The following FGF1 variants were observed in gnomAD, a reference collection of about 807,000 sequenced individuals.
FGF1 encodes fibroblast growth factor 1.
In FGF1, 9 loss-of-function variants were observed where a neutral mutation model predicts 13.4. The observed-to-expected ratio is 0.67, with a 90% CI of 0.40 to 1.17. The LOEUF (loss-of-function observed/expected upper bound fraction) is 1.17. Among genes scored for constraint, FGF1 ranks in the 50% most tolerant of loss-of-function variants. The probability of loss-of-function intolerance (pLI) is 0.01; values close to 1 mark genes in which losing one functional copy is unlikely to be tolerated. For synonymous variants in FGF1, 93 were observed against 79.0 expected (o/e 1.18, Z -0.94); for missense variants, 156 against 192.7 (o/e 0.81, Z 1.13).
chr5:142,635,791 G>A (rs1179595491), intron 1 of FGF1, among the ~76,000 whole-genome samples: 1 of 152,238 alleles, frequency 6.6e-6, no homozygotes, highest in Non-Finnish European at 1.5e-5. Context: ...TCTGATGTGA[G>A]ACTCCCTAGT....
chr5:142,680,966 A>C (rs1239481025), intron 1 of FGF1: 1 of 152,180 alleles, frequency 6.6e-6, no homozygotes, highest in African/African-American at 2.4e-5. Flanking sequence ...CTGATTTTTA[A>C]ACAAGTTCCC....
intron 1 of FGF1, among the ~76,000 whole-genome samples, chr5:142,665,400 G>C (rs1260020529): frequency 6.6e-6 from 1 of 151,776 alleles, no homozygotes; most frequent in African/African-American, 2.4e-5. Flanking sequence ...TTACTTTAGA[G>C]CTGTTTACCT....
chr5:142,611,182 C>T (rs945588204), intron 2 of FGF1, among the ~76,000 whole-genome samples: 7 of 152,136 alleles, frequency 4.6e-5, no homozygotes, highest in African/African-American at 7.2e-5. Context: ...CATGCCTGGC[C>T]GAGGCAATTC....
At chr5:142,618,929 G>GTTTTTTTTTTTTTTTTT (rs869093279) in intron 1 of FGF1, among the ~76,000 whole-genome samples, 1 of 61,252 alleles carries the variant, frequency 1.6e-5, no homozygotes. Context: ...TAGTTGTTTT[G>GTTTTTTTTTTTTTTTTT]TTTTTTTTTT....
chr5:142,668,794 G>A (rs942499931), intron 1 of FGF1, among the ~76,000 whole-genome samples: 1 of 152,192 alleles, frequency 6.6e-6, no homozygotes, highest in Non-Finnish European at 1.5e-5. Context: ...GGATGAATGA[G>A]ATAAGCTTCC....
intron 1 of FGF1, among the ~76,000 whole-genome samples, chr5:142,664,218 G>T (rs551178186): frequency 3.2e-4 from 48 of 152,310 alleles, no homozygotes; most frequent in African/African-American, 1.1e-3. Context: ...TTGCCAAGCT[G>T]GCTGCCCACC....
intron 1 of FGF1, among the ~76,000 whole-genome samples, chr5:142,652,390 G>C (rs146213851): frequency 6.6e-6 from 1 of 152,304 alleles, no homozygotes; most frequent in African/African-American, 2.4e-5. Flanking sequence ...TATGGGGCAG[G>C]TGAGTTTTAG....
chr5:142,613,938 G>A (rs113725652), intron 2 of FGF1, 21 bp downstream of exon 2: 2 of 1,610,156 alleles, frequency 1.2e-6, no homozygotes, highest in African/African-American at 1.3e-5. Flanking sequence ...GGGAAGGGGG[G>A]TGCCATAGAG....
chr5:142,625,644 T>C (rs1208762953), intron 1 of FGF1, among the ~76,000 whole-genome samples: 4 of 152,194 alleles, frequency 2.6e-5, no homozygotes, highest in African/African-American at 9.7e-5. Context: ...ACATCTTAAA[T>C]GGAAATATCC....
intron 1 of FGF1, among the ~76,000 whole-genome samples, chr5:142,650,656 ATG>A (rs200639790): frequency 1.0e-3 from 156 of 151,352 alleles, no homozygotes; most frequent in East Asian, 6.8e-3. Flanking sequence ...TACACTTTAT[ATG>A]TGTGTGTGTG....
At chr5:142,661,460 T>G (rs928177788) in intron 1 of FGF1, among the ~76,000 whole-genome samples, 2 of 152,150 alleles carry the variant, frequency 1.3e-5, no homozygotes, top group Non-Finnish European at 2.9e-5. Flanking sequence ...CGTTACCATA[T>G]GACCCAACAA....
chr5:142,646,703 T>C (rs1307968931), intron 1 of FGF1, among the ~76,000 whole-genome samples: 1 of 151,592 alleles, frequency 6.6e-6, no homozygotes, highest in African/African-American at 2.4e-5. Flanking sequence ...CATCTTGGCC[T>C]GGCTGGTCTT....
At chr5:142,646,292 C>T (rs776552658) in intron 1 of FGF1, among the ~76,000 whole-genome samples, 31 of 144,776 alleles carry the variant, frequency 2.1e-4, no homozygotes, top group Non-Finnish European at 4.3e-4. Context: ...TTTCAGCTCA[C>T]TGCAACCTCT....
intron 2 of FGF1, among the ~76,000 whole-genome samples, chr5:142,607,289 AC>A (rs896256369): frequency 1.4e-4 from 21 of 151,628 alleles, no homozygotes; most frequent in Non-Finnish European, 2.4e-4. Flanking sequence ...CTTTTTCAAT[AC>A]CCCCCGACCA....
chr5:142,601,498 G>T (rs964916169), intron 2 of FGF1, among the ~76,000 whole-genome samples: 1 of 152,122 alleles, frequency 6.6e-6, no homozygotes, highest in East Asian at 1.9e-4. Flanking sequence ...CTGATGGGGG[G>T]AGAATGAAGC....
chr5:142,678,926 A>G (rs1326635663), intron 1 of FGF1, among the ~76,000 whole-genome samples: 4 of 152,152 alleles, frequency 2.6e-5, no homozygotes, highest in African/African-American at 9.7e-5. Context: ...TGGCTAAAAC[A>G]CTTTGAGGAG....
At position 142,600,266 on chromosome 5, in the gene FGF1, G is replaced by A. The variant is rs17217380; in HGVS notation, c.273+436C>T. On this transcript the variant is annotated intron_variant, in intron 3 of 3. Transcript: ENST00000337706. ...GGTCCCAGCTACTCAGGGGGCTGAG[G>A]GGGGAGGATTTCTTGAGCCCAGGAG... Among the ~76,000 whole-genome samples, 7 of 152,284 alleles carry A rather than the reference G, an allele frequency of 4.6e-5. No individual in the cohort carries two copies. In the East Asian group the frequency reaches 5.8e-4, roughly 13 times the overall value.
chr5:142,611,716 T>C (rs966362381), intron 2 of FGF1, among the ~76,000 whole-genome samples: 18 of 152,156 alleles, frequency 1.2e-4, no homozygotes, highest in Non-Finnish European at 8.8e-5. Context: ...GTCCTTGTTC[T>C]TAGTTCCAGA....
rs1475595559 is a variant in FGF1, at chr5:142,606,216, C to CTGTGTGTG, written c.170-5412_170-5411insCACACACA. ...ACAAAATCTGCAACATTCTTTCTCT[C>CTGTGTGTG]TCTGTGTGTGTGTGTGTGTGTGTGT... is the stretch of plus-strand genomic sequence containing the variant. On this transcript the variant is annotated intron_variant, in intron 2 of 3. Coordinates refer to ENST00000337706, the MANE Select transcript of FGF1 (RefSeq NM_000800.5). Among the ~76,000 whole-genome samples, 97 of 73,592 alleles carry CTGTGTGTG rather than the reference C, an allele frequency of 1.3e-3. No homozygotes were observed. The South Asian group carries it at 0.036, about 27-fold the overall frequency. 48.3% of individuals were successfully genotyped at this position (73,592 alleles called of 152,430 possible).
Sources: gnomAD v4.1 joint callset for allele counts (sites outside exome capture counted in the v4.1 genomes callset) on GRCh38, gnomAD v4.1.1 for gene constraint, MANE v1.5 for transcripts, NCBI Gene and HGNC (gene_info 2026-07-23, HGNC 2026-07-21) for gene names.